The following GTF2IRD1 variants were observed in gnomAD, a reference collection of about 807,000 sequenced individuals.
GTF2IRD1 encodes general transcription factor II-I repeat domain-containing protein 1.
A neutral mutation model predicts 113.2 loss-of-function variants in GTF2IRD1; 26 were observed. The observed-to-expected ratio is 0.23, with a 90% CI of 0.17 to 0.32. The LOEUF (loss-of-function observed/expected upper bound fraction) is 0.32. Among genes scored for constraint, GTF2IRD1 ranks in the 10% least tolerant of loss-of-function variants. The pLI is 1.00. For missense variants in GTF2IRD1, 864 were observed against 1,280.8 expected (o/e 0.67, Z 4.97); for synonymous variants, 484 against 529.1 (o/e 0.91, Z 1.17).
At position 74,511,826 on chromosome 7, in the gene GTF2IRD1, G is replaced by T. The variant is rs561415612; in HGVS notation, c.124-1004G>T. On this transcript the variant is annotated intron_variant, in intron 2 of 26. Coordinates refer to ENST00000424337, the MANE Select transcript of GTF2IRD1 (RefSeq NM_005685.4). ...GCTTCACAGTCAGGGTTTTCCTGGTGGGGTAGGTCAGAGACCTGAGATGCT... is the reference window on the plus strand; with the variant it reads ...GCTTCACAGTCAGGGTTTTCCTGGTTGGGTAGGTCAGAGACCTGAGATGCT... Among the ~76,000 whole-genome samples, 21 of 152,338 alleles carry T rather than the reference G, an allele frequency of 1.4e-4. 1 individual carries two copies. The South Asian group carries it at 3.7e-3, about 27-fold the overall frequency.
intron 6 of GTF2IRD1, among the ~76,000 whole-genome samples, chr7:74,520,769 CAAA>C (rs1156355118): frequency 0.059 from 2,837 of 48,450 alleles, 226 homozygotes; most frequent in East Asian, 0.46. Flanking sequence ...CTATCTCTAC[CAAA>C]AAAAAAAAAA....
chr7:74,529,625 G>A, intron 8 of GTF2IRD1, 109 bp from the exon 9 acceptor site: 1 of 823,482 alleles, frequency 1.2e-6, no homozygotes, highest in Non-Finnish European at 2.0e-6. Flanking sequence ...CCGCTACATG[G>A]CCAGAGTGGA....
Position 74,538,119 on chromosome 7 carries a change from C to T in GTF2IRD1, c.1410-17C>T. The stretch of plus-strand genomic sequence containing the variant: ...TGGACTTGGCTGACAGGTGTCATTT[C>T]CTGCTTCCCTTCACAGGTCAGACAA... On this transcript the variant is annotated splice_polypyrimidine_tract_variant and intron_variant, in intron 11 of 26. Coordinates refer to ENST00000424337, the MANE Select transcript of GTF2IRD1 (RefSeq NM_005685.4). 1 of 1,611,732 alleles carries T rather than the reference C, an allele frequency of 6.2e-7. No individual in the cohort carries two copies. Among genetic ancestry groups the T allele is most frequent in the Non-Finnish European group, 8.5e-7 (1 of 1,179,510 alleles).
intron 1 of GTF2IRD1, among the ~76,000 whole-genome samples, chr7:74,505,132 G>A (rs539711019): frequency 2.2e-4 from 34 of 152,194 alleles, no homozygotes; most frequent in Admixed American, 1.1e-3. Flanking sequence ...CAGTCCTCCC[G>A]CCTCGGCCTC....
chr7:74,477,101 C>T (rs1554333682), intron 1 of GTF2IRD1, among the ~76,000 whole-genome samples: 3 of 151,968 alleles, frequency 2.0e-5, no homozygotes, highest in Admixed American at 6.6e-5. Flanking sequence ...TGGTGGATCG[C>T]GCCTGTAATC....
chr7:74,507,941 C>A, intron 1 of GTF2IRD1, 134 bp from the exon 2 acceptor site: 1 of 938,530 alleles, frequency 1.1e-6, no homozygotes. Flanking sequence ...AGCCCTTGGG[C>A]CCAGGGAAGG....
chr7:74,577,598 T>C (rs782417350), intron 22 of GTF2IRD1, among the ~76,000 whole-genome samples: 1 of 152,282 alleles, frequency 6.6e-6, no homozygotes, highest in African/African-American at 2.4e-5. Context: ...TCCAAAACTG[T>C]CTTCTATGCC....
At chr7:74,590,695 T>G in intron 23 of GTF2IRD1, 130 bp from the exon 24 acceptor site, 1 of 538,266 alleles carries the variant, frequency 1.9e-6, no homozygotes, top group Non-Finnish European at 3.2e-6. Flanking sequence ...CCCACCAGGG[T>G]CTTGATTTTT....
intron 22 of GTF2IRD1, among the ~76,000 whole-genome samples, chr7:74,582,648 C>T (rs1554366484): frequency 6.6e-6 from 1 of 152,188 alleles, no homozygotes; most frequent in Non-Finnish European, 1.5e-5. Flanking sequence ...GGTTGAGTGA[C>T]TTTCCATACA....
intron 22 of GTF2IRD1, among the ~76,000 whole-genome samples, chr7:74,560,579 T>C (rs1407220849): frequency 1.4e-5 from 2 of 147,850 alleles, no homozygotes; most frequent in Admixed American, 6.8e-5. Context: ...AAAAATATTA[T>C]ATAGAGAGAG....
chr7:74,532,511 G>T (rs192984257), intron 9 of GTF2IRD1, among the ~76,000 whole-genome samples: 1 of 152,150 alleles, frequency 6.6e-6, no homozygotes, highest in East Asian at 1.9e-4. Flanking sequence ...CTATGATCAC[G>T]CCACTGCACT....
At position 74,512,075 on chromosome 7, in the gene GTF2IRD1, C is replaced by A. The variant is rs12154266; in HGVS notation, c.124-755C>A. On this transcript the variant is annotated intron_variant, in intron 2 of 26. Coordinates refer to ENST00000424337, the MANE Select transcript of GTF2IRD1 (RefSeq NM_005685.4). The surrounding 1 kb of genome is among the most constrained non-coding windows in gnomAD (Gnocchi z 4.4). ...ATTCTATAGACGTGGAAACTGGCCACGCAGAGTGGCTCACGCCTGTAATCC... is the reference window on the plus strand; with the variant it reads ...ATTCTATAGACGTGGAAACTGGCCAAGCAGAGTGGCTCACGCCTGTAATCC... Among the ~76,000 whole-genome samples, 1 of 152,108 alleles carries A rather than the reference C, an allele frequency of 6.6e-6. No individual in the cohort carries two copies. The highest frequency in any genetic ancestry group is 2.4e-5 in the African/African-American group (1 of 41,422).
At chr7:74,485,102 G>T (rs1350427748) in intron 1 of GTF2IRD1, among the ~76,000 whole-genome samples, 2 of 151,962 alleles carry the variant, frequency 1.3e-5, no homozygotes, top group Non-Finnish European at 2.9e-5. Context: ...CAAGGGCCCG[G>T]AGCTGGGTGG....
chr7:74,593,393 T>C (rs1802188603), intron 24 of GTF2IRD1, among the ~76,000 whole-genome samples: 1 of 108,602 alleles, frequency 9.2e-6, no homozygotes, highest in Non-Finnish European at 1.8e-5. Flanking sequence ...CTGACCAATA[T>C]GGTGAAACCT....
intron 22 of GTF2IRD1, among the ~76,000 whole-genome samples, chr7:74,566,654 C>G (rs1030781752): frequency 6.6e-6 from 1 of 152,092 alleles, no homozygotes; most frequent in Non-Finnish European, 1.5e-5. Context: ...GTCATACTTA[C>G]GATTTGCCGG....
At chr7:74,504,842 G>C (rs1796221554) in intron 1 of GTF2IRD1, among the ~76,000 whole-genome samples, 1 of 151,290 alleles carries the variant, frequency 6.6e-6, no homozygotes, top group African/African-American at 2.4e-5. Context: ...CAAGTAGCTG[G>C]GATTACAGGC....
intron 24 of GTF2IRD1, among the ~76,000 whole-genome samples, chr7:74,592,020 G>A (rs1413505327): frequency 2.6e-5 from 4 of 151,774 alleles, no homozygotes; most frequent in Non-Finnish European, 5.9e-5. Flanking sequence ...TAGAAGAAAA[G>A]AAGATAGCTG....
intron 1 of GTF2IRD1, among the ~76,000 whole-genome samples, chr7:74,468,949 A>G (rs1396870412): frequency 5.3e-5 from 8 of 149,912 alleles, no homozygotes; most frequent in Non-Finnish European, 8.9e-5. Context: ...GCCGGGCGTG[A>G]TGGTGGGCGC....
At position 74,536,156 on chromosome 7, in the gene GTF2IRD1, T is replaced by C; in HGVS notation, c.1301-11T>C. On this transcript the variant is annotated splice_polypyrimidine_tract_variant and intron_variant, in intron 10 of 26. Transcript: ENST00000424337. ...GGGCCTTCACCCTGACCTCCCTGAC[T>C]CTCCCCACAGGGAACAAGTTTACCA... The C allele has an allele frequency of 6.3e-7, 1 of 1,583,726 alleles. No individual in the cohort carries two copies. The highest frequency in any genetic ancestry group is 1.3e-5 in the African/African-American group (1 of 74,410).
Sources: allele counts gnomAD v4.1 joint callset (sites outside exome capture counted in the v4.1 genomes callset), GRCh38; gene constraint gnomAD v4.1.1; non-coding constraint Gnocchi (gnomAD v3.1); transcripts MANE v1.5; gene names NCBI Gene and HGNC (gene_info 2026-07-23, HGNC 2026-07-21).